Variants in FOXK2 observed in about 807,000 individuals in gnomAD.
FOXK2 encodes forkhead box protein K2.
In FOXK2, 24 loss-of-function variants were observed where a neutral mutation model predicts 53.3. The observed-to-expected ratio is 0.45, with a 90% confidence interval of 0.33 to 0.63. The LOEUF is 0.63. Among genes scored for constraint, FOXK2 ranks in the 30% least tolerant of loss-of-function variants. FOXK2 has a pLI of 0.03. For synonymous variants in FOXK2, 505 were observed against 407.1 expected (o/e 1.24, Z -2.89); for missense variants, 952 against 910.5 (o/e 1.05, Z -0.59).
intron 8 of FOXK2, among the ~76,000 whole-genome samples, chr17:82,591,179 C>T (rs2045249834): frequency 6.6e-6 from 1 of 152,116 alleles, no homozygotes. Flanking sequence ...GTTCCGTGGG[C>T]AGGCGCAGGG....
At chr17:82,522,169 C>G (rs955464469) in intron 1 of FOXK2, among the ~76,000 whole-genome samples, 3 of 150,960 alleles carry the variant, frequency 2.0e-5, no homozygotes, top group African/African-American at 7.3e-5. Flanking sequence ...GTGACCTAGC[C>G]TGGAGTGTAC....
chr17:82,580,911 T>C (rs1260945522), intron 4 of FOXK2, among the ~76,000 whole-genome samples: 3 of 150,532 alleles, frequency 2.0e-5, no homozygotes, highest in African/African-American at 7.4e-5. Context: ...CTCCCACACA[T>C]GGCCTAGCCC....
intron 1 of FOXK2, among the ~76,000 whole-genome samples, chr17:82,524,343 T>A (rs1306220970): frequency 6.6e-6 from 1 of 152,242 alleles, no homozygotes; most frequent in Non-Finnish European, 1.5e-5. Context: ...AATTTATGTT[T>A]TGAATTTATA....
intron 4 of FOXK2, chr17:82,576,476 C>G (rs2044987619): frequency 2.0e-6 from 1 of 511,520 alleles, no homozygotes; most frequent in African/African-American, 2.0e-5. Context: ...TGGTTTTGAC[C>G]TGTCAATACT....
chr17:82,584,602 C>A (rs2045110987), intron 6 of FOXK2, among the ~76,000 whole-genome samples: 1 of 126,262 alleles, frequency 7.9e-6, no homozygotes, highest in Non-Finnish European at 1.6e-5. Flanking sequence ...TGTCACCAGG[C>A]TGGAATCTTG....
At chr17:82,586,917 T>C (rs2045183354) in intron 7 of FOXK2, 146 bp from the exon 8 acceptor site, 5 of 760,362 alleles carry the variant, frequency 6.6e-6, no homozygotes, top group Non-Finnish European at 1.1e-5. Flanking sequence ...AAAAAAAAGA[T>C]TTGCTCATCT....
At chr17:82,530,028 G>T in intron 1 of FOXK2, among the ~76,000 whole-genome samples, 1 of 152,174 alleles carries the variant, frequency 6.6e-6, no homozygotes, top group Non-Finnish European at 1.5e-5. Flanking sequence ...CCAGTTTTTT[G>T]TGTTCCTGGT....
intron 1 of FOXK2, among the ~76,000 whole-genome samples, chr17:82,558,786 G>A (rs1057503008): frequency 1.3e-5 from 2 of 151,932 alleles, no homozygotes; most frequent in African/African-American, 4.8e-5. Context: ...GAGCTCTGTC[G>A]CCCAGGCTGG....
In FOXK2 at chr17:82,586,794, G is replaced by A. The variant is rs113576643; in HGVS notation, c.1577-269G>A. 7.7e-3 allele frequency among the ~76,000 whole-genome samples: 1,178 copies of A among 152,124 alleles called. 4 individuals carry two copies. Among genetic ancestry groups the A allele is most frequent in the Middle Eastern group, 0.014 (4 of 294 alleles). On this transcript the variant is annotated intron_variant, in intron 7 of 8. Coordinates refer to ENST00000335255, the MANE Select transcript of FOXK2 (RefSeq NM_004514.4). ...CGGGTGCCTGTAATCCCAGCTACTC[G>A]GGAGGCTGAGGCGGGAGAATCACTT...
intron 1 of FOXK2, among the ~76,000 whole-genome samples, chr17:82,522,537 T>G (rs967036905): frequency 1.3e-5 from 2 of 150,136 alleles, no homozygotes; most frequent in Non-Finnish European, 3.0e-5. Context: ...CCCAGCTAAT[T>G]TTTTTTTGTA....
Position 82,586,023 on chromosome 17 carries a change from G to A in FOXK2, c.1399G>A (p.Val467Ile), listed in dbSNP as rs750003461. 22 of 1,612,776 alleles carry A rather than the reference G, an allele frequency of 1.4e-5. No individual in the cohort carries two copies. In the East Asian group the frequency reaches 2.5e-4, roughly 18 times the overall value. The change falls in exon 7 of 9, where the codon GTC becomes ATC. Residue 467 changes from valine to isoleucine, a missense_variant. Around this residue, in one of 5 missense-constraint regions of FOXK2, gnomAD observed 551 missense variants for 385.1 expected, o/e 1.43. Transcript: ENST00000335255. ...GACCACCTCGACCTCCCAGCCACCC[G>A]TCGTGCAGACGGTTCACGTCGTCCA... ...PVTTSTSQPP[V>I]VQTVHVVHQI...
intron 1 of FOXK2, 138 bp downstream of exon 1, chr17:82,520,445 C>T (rs972763446): frequency 3.7e-5 from 28 of 749,132 alleles, no homozygotes; most frequent in Non-Finnish European, 4.9e-5. Flanking sequence ...CCAGCGGGAC[C>T]CAGGCCCCGG....
At chr17:82,532,423 C>A (rs887101753) in intron 1 of FOXK2, among the ~76,000 whole-genome samples, 2 of 151,550 alleles carry the variant, frequency 1.3e-5, no homozygotes, top group African/African-American at 4.8e-5. Flanking sequence ...GGATTACAGG[C>A]GTGAGCCACT....
chr17:82,551,404 G>T, intron 1 of FOXK2, among the ~76,000 whole-genome samples: 1 of 152,188 alleles, frequency 6.6e-6, no homozygotes, highest in Middle Eastern at 3.4e-3. Context: ...GGCCAGGCAC[G>T]GTGGCTCATG....
intron 8 of FOXK2, among the ~76,000 whole-genome samples, chr17:82,587,907 G>A (rs751808293): frequency 7.9e-5 from 12 of 152,166 alleles, no homozygotes; most frequent in African/African-American, 2.4e-4. Flanking sequence ...GGCTGTTGCC[G>A]GCTGTGTGGC....
intron 1 of FOXK2, among the ~76,000 whole-genome samples, chr17:82,530,859 C>A (rs2044466812): frequency 1.3e-5 from 2 of 152,072 alleles, no homozygotes; most frequent in Non-Finnish European, 1.5e-5. Flanking sequence ...TTGTATTTTT[C>A]AGAATACGAT....
At chr17:82,527,418 C>T (rs2044429083) in intron 1 of FOXK2, among the ~76,000 whole-genome samples, 1 of 152,146 alleles carries the variant, frequency 6.6e-6, no homozygotes, top group South Asian at 2.1e-4. Context: ...CATCTGAGGT[C>T]AGGAGTTCGA....
At chr17:82,585,040 C>T (rs1598229116) in intron 6 of FOXK2, among the ~76,000 whole-genome samples, 1 of 152,262 alleles carries the variant, frequency 6.6e-6, no homozygotes, top group East Asian at 1.9e-4. Context: ...GGCCAGAGAA[C>T]AGCCCTCCCC....
At chr17:82,525,642 T>C (rs1184294517) in intron 1 of FOXK2, among the ~76,000 whole-genome samples, 2 of 152,236 alleles carry the variant, frequency 1.3e-5, no homozygotes, top group Non-Finnish European at 2.9e-5. Flanking sequence ...TAGGCAACTC[T>C]TTAACAGTTG....
Sources: gnomAD v4.1 joint callset for allele counts (sites outside exome capture counted in the v4.1 genomes callset) on GRCh38, gnomAD v4.1.1 for gene constraint, gnomAD v4.1.1 regional missense constraint, MANE v1.5 for transcripts, NCBI Gene and HGNC (gene_info 2026-07-23, HGNC 2026-07-21) for gene names.